ANKRD63: variants seen among roughly 807,000 people sequenced by gnomAD.
ANKRD63 encodes the protein ankyrin repeat domain-containing protein 63.
A neutral mutation model predicts 21.2 loss-of-function variants in ANKRD63; 18 were observed. The ratio of observed to expected loss-of-function variants is 0.85; its 90% confidence interval spans 0.59 to 1.26. The LOEUF (loss-of-function observed/expected upper bound fraction) is 1.26. ANKRD63 is among the 50% of genes most tolerant of loss of function. ANKRD63 has a pLI of 0.00. For synonymous variants in ANKRD63, 322 were observed against 273.3 expected (o/e 1.18, Z -1.76); for missense variants, 523 against 570.9 (o/e 0.92, Z 0.85).
Position 40,279,627 on chromosome 15 carries a change from G to T in ANKRD63, c.*1817C>A, listed in dbSNP as rs566856909. On this transcript the variant is annotated 3_prime_UTR_variant, in exon 1 of 1. Coordinates refer to ENST00000434396, the MANE Select transcript of ANKRD63 (RefSeq NM_001190479.3). ...GGCCTGCTTGGCCTAGCGGATGGGGGCAAGCGGAGGGCAAGGACTGGATAG... is the reference window on the plus strand; with the variant it reads ...GGCCTGCTTGGCCTAGCGGATGGGGTCAAGCGGAGGGCAAGGACTGGATAG... Among the ~76,000 whole-genome samples the T allele has an allele frequency of 2.0e-4, 30 of 152,328 alleles. 1 individual carries two copies. Among genetic ancestry groups the T allele is most frequent in the African/African-American group, 6.7e-4 (28 of 41,580 alleles).
In ANKRD63 at chr15:40,282,342, T is replaced by C; in HGVS notation, c.245A>G (p.Glu82Gly). Residue 82 changes from glutamate to glycine, a missense_variant, in exon 1 of 1, where the codon GAG becomes GGG. Glu to Gly is a moderately conservative substitution (Grantham distance 98). This residue lies in a region of ANKRD63 where 215 missense variants were observed against 280.4 expected (regional missense o/e 0.77). Coordinates refer to ENST00000434396, the MANE Select transcript of ANKRD63 (RefSeq NM_001190479.3). ...EQGAAVNLRD[E>G]RGRTALSLAC... ...CAGGCTGAGTGCGGTGCGGCCGCGCTCGTCTCGCAGGTTCACTGCAGCACC... is the reference window on the plus strand; with the variant it reads ...CAGGCTGAGTGCGGTGCGGCCGCGCCCGTCTCGCAGGTTCACTGCAGCACC... 1 of 1,511,822 alleles carries C rather than the reference T, an allele frequency of 6.6e-7. No individual in the cohort carries two copies. Among genetic ancestry groups the C allele is most frequent in the Non-Finnish European group, 8.8e-7 (1 of 1,138,366 alleles). 93.7% of individuals were successfully genotyped at this position (1,511,822 alleles called of 1,614,324 possible).
chr15:40,282,715 C>T lies in ANKRD63; in HGVS notation c.-129G>A. ...CCCTCCGCGCGTGGGCGGCTGCAGCCGAGGGTCCCGAGGTTCCTACTCCGC... is the reference window on the plus strand; with the variant it reads ...CCCTCCGCGCGTGGGCGGCTGCAGCTGAGGGTCCCGAGGTTCCTACTCCGC... On this transcript the variant is annotated 5_prime_UTR_variant, in exon 1 of 1. Coordinates refer to ENST00000434396, the MANE Select transcript of ANKRD63 (RefSeq NM_001190479.3). The T allele has an allele frequency of 1.5e-6, 1 of 663,616 alleles. No homozygotes were observed. Among genetic ancestry groups the T allele is most frequent in the Non-Finnish European group, 2.3e-6 (1 of 440,662 alleles). 41.1% of individuals were successfully genotyped at this position (663,616 alleles called of 1,614,324 possible). A position where few individuals can be genotyped will look rare whatever the true frequency, so the allele number is the denominator to read the frequency against.
Position 40,280,605 on chromosome 15 carries a change from T to C in ANKRD63, c.*839A>G, listed in dbSNP as rs1230938193. On this transcript the variant is annotated 3_prime_UTR_variant, in exon 1 of 1. Transcript: ENST00000434396. Reference sequence around the variant, plus strand: ...CTCTGTGACCCAGCGGAAATAGGGCTTGGGCCTCCAGGGGTGAGGTGTTGA... The same window carrying C: ...CTCTGTGACCCAGCGGAAATAGGGCCTGGGCCTCCAGGGGTGAGGTGTTGA... Among the ~76,000 whole-genome samples, 1 of 152,254 alleles carries C rather than the reference T, an allele frequency of 6.6e-6. No homozygotes were observed. Among genetic ancestry groups the C allele is most frequent in the African/African-American group, 2.4e-5 (1 of 41,470 alleles).
Position 40,281,343 on chromosome 15 carries a change from C to G in ANKRD63, c.*101G>C. Reference sequence around the variant, plus strand: ...GGGAGGCAGGTTCCAAAATGGACTGCGGGGGGCGGCTGCCGAAAAGGTGAG... The same window carrying G: ...GGGAGGCAGGTTCCAAAATGGACTGGGGGGGGCGGCTGCCGAAAAGGTGAG... On this transcript the variant is annotated 3_prime_UTR_variant, in exon 1 of 1. Transcript: ENST00000434396. 2 of 1,073,196 alleles carry G rather than the reference C, an allele frequency of 1.9e-6. No individual in the cohort carries two copies. Among genetic ancestry groups the G allele is most frequent in the Non-Finnish European group, 1.2e-6 (1 of 813,622 alleles). The allele number at this position is 1,073,196 out of a possible 1,614,324, so 66.5% of individuals were successfully genotyped here.
Position 40,279,409 on chromosome 15 carries a change from T to C in ANKRD63, c.*2035A>G, listed in dbSNP as rs1201079721. 6.6e-6 allele frequency among the ~76,000 whole-genome samples: 1 copy of C among 152,236 alleles called. No homozygotes were observed. Among genetic ancestry groups the C allele is most frequent in the Non-Finnish European group, 1.5e-5 (1 of 68,044 alleles). On this transcript the variant is annotated 3_prime_UTR_variant, in exon 1 of 1. Coordinates refer to ENST00000434396, the MANE Select transcript of ANKRD63 (RefSeq NM_001190479.3). ...TGTTCATTGTCCCTCACTTCACTGC[T>C]GTAAAGTGACTTCAAGTATCCGGAT...
Position 40,282,398 on chromosome 15 carries a change from G to C in ANKRD63, c.189C>G (p.Arg63=), listed in dbSNP as rs1052892947. Residue 63 remains arginine, a synonymous_variant, in exon 1 of 1, where the codon CGC becomes CGG. Transcript: ENST00000434396. ...VAVGLPDPAL[R]ARFVRLLLEQ... ...CGAGCAGCAGCCGCACGAAGCGCGC[G>C]CGCAGCGCGGGGTCCGGCAGCCCCA... 3.3e-6 allele frequency: 5 copies of C among 1,499,938 alleles called. No individual in the cohort carries two copies. Among genetic ancestry groups the C allele is most frequent in the Non-Finnish European group, 4.4e-6 (5 of 1,133,814 alleles). 92.9% of individuals were successfully genotyped at this position (1,499,938 alleles called of 1,614,324 possible).
chr15:40,281,410 G>A lies in ANKRD63; in HGVS notation c.*34C>T, dbSNP rs1256378465. 5.1e-6 allele frequency: 7 copies of A among 1,360,070 alleles called. No individual in the cohort carries two copies. Among genetic ancestry groups the A allele is most frequent in the South Asian group, 3.5e-5 (2 of 57,378 alleles). 84.3% of individuals were successfully genotyped at this position (1,360,070 alleles called of 1,614,324 possible). A position where few individuals can be genotyped will look rare whatever the true frequency, so the allele number is the denominator to read the frequency against. ...AATACCAGTGGAGTAGAAACGGGAG[G>A]GTAGGGGAAGCAGGCCTCGGGCCTT... On this transcript the variant is annotated 3_prime_UTR_variant, in exon 1 of 1. Coordinates refer to ENST00000434396, the MANE Select transcript of ANKRD63 (RefSeq NM_001190479.3).
Position 40,282,251 on chromosome 15 carries a change from C to T in ANKRD63, c.336G>A (p.Ala112=), listed in dbSNP as rs572255749. The change falls in exon 1 of 1, where the codon GCG becomes GCA. Residue 112 remains alanine (A), a synonymous_variant. Transcript: ENST00000434396. ...LLVQFSGDPE[A]ADSAGNSPVM... ...CCGGGCTGTTGCCCGCAGAGTCGGC[C>T]GCCTCGGGGTCACCGCTGAACTGCA... 1.8e-5 allele frequency: 27 copies of T among 1,519,226 alleles called. 1 individual carries two copies. The South Asian group carries it at 3.1e-4, about 18-fold the overall frequency. 94.1% of individuals were successfully genotyped at this position (1,519,226 alleles called of 1,614,324 possible). A position where few individuals can be genotyped will look rare whatever the true frequency, so the allele number is the denominator to read the frequency against.
In ANKRD63 at chr15:40,280,938, G is replaced by A. The variant is rs2039534369; in HGVS notation, c.*506C>T. ...ACCCTCCAGTCCTGAAAGGCTCTAG[G>A]GCCCCCTCCGTCCTTTCCTTCTCCC... On this transcript the variant is annotated 3_prime_UTR_variant, in exon 1 of 1. Transcript: ENST00000434396. 6.6e-6 allele frequency among the ~76,000 whole-genome samples: 1 copy of A among 152,204 alleles called. No individual in the cohort carries two copies. Among genetic ancestry groups the A allele is most frequent in the Non-Finnish European group, 1.5e-5 (1 of 68,040 alleles).
In ANKRD63 at chr15:40,282,126, C is replaced by T. The variant is rs2039551762; in HGVS notation, c.461G>A (p.Gly154Glu). ...GLRLDRTNRA[G>E]LTALQLAAAR... The stretch of plus-strand genomic sequence containing the variant: ...GGCGGCCAGTTGCAGCGCGGTGAGC[C>T]CCGCACGGTTGGTGCGGTCGAGGCG... Residue 154 changes from glycine to glutamate, a missense_variant, in exon 1 of 1, where the codon GGG (glycine) becomes GAG (glutamate). By Grantham distance (98) the Gly-to-Glu change is moderately conservative. This residue lies in a region of ANKRD63 where 215 missense variants were observed against 280.4 expected (regional missense o/e 0.77). Coordinates refer to ENST00000434396, the MANE Select transcript of ANKRD63 (RefSeq NM_001190479.3). 1 of 1,454,394 alleles carries T rather than the reference C, an allele frequency of 6.9e-7. No homozygotes were observed. Among genetic ancestry groups the T allele is most frequent in the Non-Finnish European group, 9.0e-7 (1 of 1,112,972 alleles). 90.1% of individuals were successfully genotyped at this position (1,454,394 alleles called of 1,614,324 possible).
Position 40,280,687 on chromosome 15 carries a change from C to T in ANKRD63, c.*757G>A, listed in dbSNP as rs2039531590. ...CTGAAGAGCGGGCTGGCTCTGGAGC[C>T]CGGAGTTGGCCTGGGTAGGGGTTGT... On this transcript the variant is annotated 3_prime_UTR_variant, in exon 1 of 1. Transcript: ENST00000434396. Among the ~76,000 whole-genome samples the T allele has an allele frequency of 6.6e-6, 1 of 152,184 alleles. No homozygotes were observed. Among genetic ancestry groups the T allele is most frequent in the Non-Finnish European group, 1.5e-5 (1 of 68,030 alleles).
chr15:40,281,609 AC>A lies in ANKRD63; in HGVS notation c.977del (p.Gly326ValfsTer27). 6.5e-7 allele frequency: 1 copy of A among 1,529,490 alleles called. No homozygotes were observed. Among genetic ancestry groups the A allele is most frequent in the Non-Finnish European group, 8.7e-7 (1 of 1,143,656 alleles). 94.7% of individuals were successfully genotyped at this position (1,529,490 alleles called of 1,614,324 possible). On this transcript the variant is annotated frameshift_variant, in exon 1 of 1. Coordinates refer to ENST00000434396, the MANE Select transcript of ANKRD63 (RefSeq NM_001190479.3). LOFTEE classifies it high-confidence loss of function. ...PEGGPGSGRL[G>X]LRRRSTAPDI... ...CTGGGGCTGTGGAGCGTCGGCGCAA[AC>A]CCAGGCGGCCAGAGCCGGGGCCGCC...
chr15:40,282,032 C>A lies in ANKRD63; in HGVS notation c.555G>T (p.Ala185=). ...GACTATCGGAGTTGGAGCCCCGGGC[C>A]GCAGCGGCGGCGGCGGCGCGGCCCC... ...GPWGRAAAAA[A]ARGSNSDSPP... is the part of the protein sequence containing the mutation. The change falls in exon 1 of 1, where the codon GCG becomes GCT. Residue 185 remains alanine (A), a synonymous_variant. Coordinates refer to ENST00000434396, the MANE Select transcript of ANKRD63 (RefSeq NM_001190479.3). 8.2e-7 allele frequency: 1 copy of A among 1,221,334 alleles called. No homozygotes were observed. The highest frequency in any genetic ancestry group is 1.0e-6 in the Non-Finnish European group (1 of 982,912). The allele number at this position is 1,221,334 out of a possible 1,614,324, so 75.7% of individuals were successfully genotyped here.
rs763167814 is a variant in ANKRD63, at chr15:40,280,669, G to A, written c.*775C>T. On this transcript the variant is annotated 3_prime_UTR_variant, in exon 1 of 1. Transcript: ENST00000434396. ...AATTCAAATGCATCTGAGCTGAAGA[G>A]CGGGCTGGCTCTGGAGCCCGGAGTT... Among the ~76,000 whole-genome samples the A allele has an allele frequency of 1.3e-5, 2 of 152,234 alleles. No individual in the cohort carries two copies. Among genetic ancestry groups the A allele is most frequent in the African/African-American group, 2.4e-5 (1 of 41,464 alleles).
In ANKRD63 at chr15:40,280,275, C is replaced by G. The variant is rs1459122771; in HGVS notation, c.*1169G>C. Among the ~76,000 whole-genome samples the G allele has an allele frequency of 1.3e-5, 2 of 152,236 alleles. No individual in the cohort carries two copies. The highest frequency in any genetic ancestry group is 2.9e-5 in the Non-Finnish European group (2 of 68,038). On this transcript the variant is annotated 3_prime_UTR_variant, in exon 1 of 1. Coordinates refer to ENST00000434396, the MANE Select transcript of ANKRD63 (RefSeq NM_001190479.3). ...GTTTGATATAATTTAAACCTGGACC[C>G]GCAGCTCGTGTGGGCTCCCGACTCC...
chr15:40,281,267 A>T lies in ANKRD63; in HGVS notation c.*177T>A, dbSNP rs1170424196. On this transcript the variant is annotated 3_prime_UTR_variant, in exon 1 of 1. Transcript: ENST00000434396. Reference sequence around the variant, plus strand: ...AATACCGAGGAGCACAAAAAAGAAGATGGAGGTCCCTTATTTCTGGTGGAG... The same window carrying T: ...AATACCGAGGAGCACAAAAAAGAAGTTGGAGGTCCCTTATTTCTGGTGGAG... Among the ~76,000 whole-genome samples, 1 of 152,162 alleles carries T rather than the reference A, an allele frequency of 6.6e-6. No homozygotes were observed. Among genetic ancestry groups the T allele is most frequent in the Non-Finnish European group, 1.5e-5 (1 of 68,030 alleles).
Position 40,282,101 on chromosome 15 carries a change from G to T in ANKRD63, c.486C>A (p.Ala162=). 1.4e-6 allele frequency: 2 copies of T among 1,389,214 alleles called. No individual in the cohort carries two copies. Among genetic ancestry groups the T allele is most frequent in the South Asian group, 1.6e-5 (1 of 62,360 alleles). 86.1% of individuals were successfully genotyped at this position (1,389,214 alleles called of 1,614,324 possible). The change falls in exon 1 of 1, where the codon GCC becomes GCA. Residue 162 remains alanine (A), a synonymous_variant. Transcript: ENST00000434396. The part of the protein sequence containing the change: ...RAGLTALQLA[A]ARGHGTCVQA... ...GCACACAGGTCCCGTGGCCGCGGGCGGCGGCCAGTTGCAGCGCGGTGAGCC... is the reference window on the plus strand; with the variant it reads ...GCACACAGGTCCCGTGGCCGCGGGCTGCGGCCAGTTGCAGCGCGGTGAGCC...
Position 40,282,542 on chromosome 15 carries a change from G to A in ANKRD63, c.45C>T (p.Thr15=). Residue 15 remains threonine, a synonymous_variant, in exon 1 of 1, where the codon ACC becomes ACT. Coordinates refer to ENST00000434396, the MANE Select transcript of ANKRD63 (RefSeq NM_001190479.3). The part of the protein sequence containing the change: ...KDLCPRAGTR[T]FLEAMQAGKV... ...TGCCCGCCTGCATGGCCTCCAGGAAGGTGCGCGTCCCCGCTCGGGGGCACA... is the reference window on the plus strand; with the variant it reads ...TGCCCGCCTGCATGGCCTCCAGGAAAGTGCGCGTCCCCGCTCGGGGGCACA... 1.3e-6 allele frequency: 2 copies of A among 1,482,338 alleles called. No individual in the cohort carries two copies. The highest frequency in any genetic ancestry group is 1.8e-6 in the Non-Finnish European group (2 of 1,123,584). The allele number at this position is 1,482,338 out of a possible 1,614,324, so 91.8% of individuals were successfully genotyped here.
chr15:40,281,495 C>G lies in ANKRD63; in HGVS notation c.1092G>C (p.Pro364=). ...CCTCGGTGCCCGCCTGCCAAGGGTT[C>G]GGCCCAGGCACCGAGACAGACAGAG... is the stretch of plus-strand genomic sequence containing the variant. ...ANALSVSVPG[P]NPWQAGTEAV... Residue 364 remains proline, a synonymous_variant, in exon 1 of 1, where the codon CCG becomes CCC. Coordinates refer to ENST00000434396, the MANE Select transcript of ANKRD63 (RefSeq NM_001190479.3). 2 of 1,458,056 alleles carry G rather than the reference C, an allele frequency of 1.4e-6. No homozygotes were observed. The highest frequency in any genetic ancestry group is 1.8e-6 in the Non-Finnish European group (2 of 1,109,456). The allele number at this position is 1,458,056 out of a possible 1,614,324, so 90.3% of individuals were successfully genotyped here.
Sources: gnomAD v4.1 joint callset for allele counts (sites outside exome capture counted in the v4.1 genomes callset) on GRCh38, gnomAD v4.1.1 for gene constraint, gnomAD v4.1.1 regional missense constraint, MANE v1.5 for transcripts, NCBI Gene and HGNC (gene_info 2026-07-23, HGNC 2026-07-21) for gene names.